NRDE2: variants seen among roughly 807,000 people sequenced by gnomAD.
NRDE2 encodes the protein nuclear exosome regulator NRDE2.
In NRDE2, 76 loss-of-function variants were observed where a neutral mutation model predicts 124.2. The ratio of observed to expected loss-of-function variants is 0.61; its 90% CI spans 0.51 to 0.74. The LOEUF (loss-of-function observed/expected upper bound fraction) is 0.74. NRDE2 is among the 30% of genes least tolerant of loss of function. The pLI is 0.00. For synonymous variants in NRDE2, 489 were observed against 528.1 expected (o/e 0.93, Z 1.01); for missense variants, 1,314 against 1,417.3 (o/e 0.93, Z 1.17).
At chr14:90,296,055 G>A (rs1884135873) in intron 8 of NRDE2, among the ~76,000 whole-genome samples, 1 of 152,212 alleles carries the variant, frequency 6.6e-6, no homozygotes, top group African/African-American at 2.4e-5. Flanking sequence ...AGTAAAATTA[G>A]TCTGTGGACA....
intron 1 of NRDE2, among the ~76,000 whole-genome samples, chr14:90,325,609 T>C (rs1885397610): frequency 6.6e-6 from 1 of 152,116 alleles, no homozygotes; most frequent in Non-Finnish European, 1.5e-5. Context: ...CACTGCAACC[T>C]CCACCTCCCA....
At chr14:90,285,884 C>T (rs1462301639) in intron 12 of NRDE2, among the ~76,000 whole-genome samples, 2 of 152,174 alleles carry the variant, frequency 1.3e-5, no homozygotes, top group Non-Finnish European at 1.5e-5. Flanking sequence ...ATTTTCCCGC[C>T]TTGGCCTCCG....
chr14:90,306,948 AT>A (rs1019055264), intron 4 of NRDE2, among the ~76,000 whole-genome samples: 112 of 152,380 alleles, frequency 7.4e-4, no homozygotes, highest in African/African-American at 2.6e-3. Context: ...CTCACAAAAA[AT>A]ATACAGTATT....
intron 4 of NRDE2, among the ~76,000 whole-genome samples, chr14:90,307,842 C>G (rs1884672249): frequency 6.6e-6 from 1 of 152,206 alleles, no homozygotes; most frequent in Non-Finnish European, 1.5e-5. Flanking sequence ...CTCACTGCAG[C>G]CTCAAAATCC....
rs1429128405 is a variant in NRDE2 at position 90,275,858 on chromosome 14, T to G, written c.*2478A>C. On this transcript the variant is annotated 3_prime_UTR_variant, in exon 14 of 14. Transcript: ENST00000354366. ...CACTCCCTCTGCAGCAAGCCTATCTTCACTTTTCCAATGCAAAATGATATG... is the reference window on the plus strand; with the variant it reads ...CACTCCCTCTGCAGCAAGCCTATCTGCACTTTTCCAATGCAAAATGATATG... 1 of 152,248 alleles carries G rather than the reference T, an allele frequency of 6.6e-6. No individual in the cohort carries two copies. The highest frequency in any genetic ancestry group is 2.1e-4 in the South Asian group (1 of 4,836). 9.4% of individuals were successfully genotyped at this position (152,248 alleles called of 1,614,324 possible). A position where few individuals can be genotyped will look rare whatever the true frequency, so the allele number is the denominator to read the frequency against.
In NRDE2 at chr14:90,270,028, A is replaced by C. The variant is rs1019354124; in HGVS notation, c.*8308T>G. 3 of 656,798 alleles carry C rather than the reference A, an allele frequency of 4.6e-6. No homozygotes were observed. In the African/African-American group the frequency reaches 5.5e-5, roughly 12 times the overall value. 40.7% of individuals were successfully genotyped at this position (656,798 alleles called of 1,614,324 possible). A position where few individuals can be genotyped will look rare whatever the true frequency, so the allele number is the denominator to read the frequency against. ...TAAATGAAGAGAATTCAAATGTAGA[A>C]ATCTACAAACTACAAAAATATATGT... On this transcript the variant is annotated 3_prime_UTR_variant, in exon 14 of 14. Transcript: ENST00000354366.
Position 90,271,286 on chromosome 14 carries a change from G to A in NRDE2, c.*7050C>T, listed in dbSNP as rs1401094914. On this transcript the variant is annotated 3_prime_UTR_variant, in exon 14 of 14. Transcript: ENST00000354366. ...TTTGCCACATCTTGTTTTTGCCACA[G>A]TAATTACTGGCCAAAAGAAAAAGAA... The A allele has an allele frequency of 2.0e-5, 3 of 152,132 alleles. No homozygotes were observed. Among genetic ancestry groups the A allele is most frequent in the African/African-American group, 7.2e-5 (3 of 41,422 alleles). 9.4% of individuals were successfully genotyped at this position (152,132 alleles called of 1,614,324 possible).
At chr14:90,287,486 G>C (rs572289949) in intron 11 of NRDE2, among the ~76,000 whole-genome samples, 1 of 151,920 alleles carries the variant, frequency 6.6e-6, no homozygotes, top group African/African-American at 2.4e-5. Flanking sequence ...TTAGCCAGGC[G>C]TGGTGGTGCC....
rs185503371 is a variant in NRDE2, at chr14:90,271,965, T to C, written c.*6371A>G. ...TAGAGTGCAGTGGCGCGATCTCGGC[T>C]CACTGTAACCTCTGCCTCCCGGGTT... On this transcript the variant is annotated 3_prime_UTR_variant, in exon 14 of 14. Coordinates refer to ENST00000354366, the MANE Select transcript of NRDE2 (RefSeq NM_017970.4). 9 of 214,250 alleles carry C rather than the reference T, an allele frequency of 4.2e-5. No individual in the cohort carries two copies. Among genetic ancestry groups the C allele is most frequent in the African/African-American group, 2.2e-4 (9 of 41,808 alleles). The allele number at this position is 214,250 out of a possible 1,614,324, so 13.3% of individuals were successfully genotyped here. A position where few individuals can be genotyped will look rare whatever the true frequency, so the allele number is the denominator to read the frequency against.
intron 12 of NRDE2, chr14:90,280,708 C>T (rs1460583227): frequency 6.6e-6 from 1 of 152,258 alleles, no homozygotes; most frequent in Non-Finnish European, 1.5e-5. Flanking sequence ...CTGGCGCAGT[C>T]TCGAGGGAGG....
intron 4 of NRDE2, among the ~76,000 whole-genome samples, chr14:90,309,336 G>A (rs1048443295): frequency 6.6e-6 from 1 of 151,956 alleles, no homozygotes; most frequent in South Asian, 2.1e-4. Flanking sequence ...AGCCGGGCAT[G>A]GTAGCACTCG....
chr14:90,291,856 A>G (rs1355536484), intron 9 of NRDE2, among the ~76,000 whole-genome samples: 1 of 152,236 alleles, frequency 6.6e-6, no homozygotes, highest in Admixed American at 6.5e-5. Flanking sequence ...TCAACATCCA[A>G]GAGGATTCAC....
Position 90,275,758 on chromosome 14 carries a change from C to G in NRDE2, c.*2578G>C, listed in dbSNP as rs964658594. 6.6e-6 allele frequency: 1 copy of G among 152,240 alleles called. No homozygotes were observed. Among genetic ancestry groups the G allele is most frequent in the Non-Finnish European group, 1.5e-5 (1 of 68,052 alleles). 9.4% of individuals were successfully genotyped at this position (152,240 alleles called of 1,614,324 possible). ...ACTGGTGAGCCGGACAGGGAGAACC[C>G]CGTCTGCCTGCGGAAAACCCACTGG... On this transcript the variant is annotated 3_prime_UTR_variant, in exon 14 of 14. Transcript: ENST00000354366.
intron 1 of NRDE2, 37 bp downstream of exon 1, chr14:90,331,804 C>G (rs766013940): frequency 6.2e-7 from 1 of 1,609,366 alleles, no homozygotes; most frequent in Non-Finnish European, 8.5e-7. Context: ...CCTCTTAAGC[C>G]CCCCAGGTGC....
chr14:90,331,753 C>G, intron 1 of NRDE2, 88 bp downstream of exon 1: 1 of 1,428,524 alleles, frequency 7.0e-7, no homozygotes. Flanking sequence ...AATGGATACA[C>G]AAATCCAAAG....
In NRDE2 at chr14:90,285,233, T is replaced by C. The variant is rs1892066614; in HGVS notation, c.3297+1121A>G. Among the ~76,000 whole-genome samples, 5 of 135,452 alleles carry C rather than the reference T, an allele frequency of 3.7e-5. No homozygotes were observed. In the South Asian group the frequency reaches 1.3e-3, roughly 34 times the overall value. 88.9% of individuals were successfully genotyped at this position (135,452 alleles called of 152,430 possible). On this transcript the variant is annotated intron_variant, in intron 12 of 13. Coordinates refer to ENST00000354366, the MANE Select transcript of NRDE2 (RefSeq NM_017970.4). ...TTGCAGTGAGCCGAGATCCCACTAC[T>C]GCACTCCAGCCTGGGCAACAGAATG...
chr14:90,291,659 C>G (rs1439555542), intron 9 of NRDE2, among the ~76,000 whole-genome samples: 1 of 152,194 alleles, frequency 6.6e-6, no homozygotes, highest in African/African-American at 2.4e-5. Context: ...TGAGTTGAGG[C>G]TTCCCTAGAA....
At chr14:90,278,619 A>G in intron 13 of NRDE2, 158 bp from the exon 14 acceptor site, 1 of 826,652 alleles carries the variant, frequency 1.2e-6, no homozygotes, top group Non-Finnish European at 1.9e-6. Context: ...CTCGGGCAGC[A>G]CTGGGCATGT....
chr14:90,300,559 T>A (rs1244327945), intron 7 of NRDE2, among the ~76,000 whole-genome samples: 1 of 151,910 alleles, frequency 6.6e-6, no homozygotes, highest in Non-Finnish European at 1.5e-5. Flanking sequence ...CATAGCTCTA[T>A]AAAAATTCTT....
Sources: allele counts gnomAD v4.1 joint callset (sites outside exome capture counted in the v4.1 genomes callset), GRCh38; gene constraint gnomAD v4.1.1; transcripts MANE v1.5; gene names NCBI Gene and HGNC (gene_info 2026-07-23, HGNC 2026-07-21).